RPL3L: variants seen among roughly 807,000 people sequenced by gnomAD.
RPL3L encodes the protein ribosomal protein uL3-like.
In RPL3L, 44 loss-of-function variants were observed where a neutral mutation model predicts 44.5. That is an observed-to-expected ratio of 0.99 (90% CI 0.78 to 1.27). The LOEUF (loss-of-function observed/expected upper bound fraction) is 1.27, where lower values mean the gene tolerates loss of function less well. Ranked by LOEUF, RPL3L falls within the 50% of genes most tolerant of loss-of-function variation. The probability of loss-of-function intolerance (pLI) is 0.00; values close to 1 mark genes in which losing one functional copy is unlikely to be tolerated. For missense variants in RPL3L, 631 were observed against 569.1 expected (o/e 1.11, Z -1.11); for synonymous variants, 292 against 230.7 (o/e 1.27, Z -2.41).
At chr16:1,946,005 A>G in intron 7 of RPL3L, 75 bp from the exon 8 acceptor site, 1 of 1,328,082 alleles carries the variant, frequency 7.5e-7, no homozygotes, top group Non-Finnish European at 1.0e-6. Context: ...GCCCTAGCAG[A>G]ACCCCCAGAG....
In RPL3L at chr16:1,954,083, G is replaced by A. The variant is rs768852529; in HGVS notation, c.69C>T (p.His23=). 6.2e-7 allele frequency: 1 copy of A among 1,604,246 alleles called. No homozygotes were observed. The highest frequency in any genetic ancestry group is 2.2e-5 in the East Asian group (1 of 44,476). The change falls in exon 2 of 10, where the codon CAC becomes CAT. Residue 23 remains histidine (H), a synonymous_variant. Coordinates refer to ENST00000268661, the MANE Select transcript of RPL3L (RefSeq NM_005061.3). ...ACGTCTTCACCTTGCCCCGGTGCCG[G>A]TGGCTCCTCTTATGGGGCAGGAAGC... The part of the protein sequence containing the change: ...HLGFLPHKRS[H]RHRGKVKTWP...
At position 1,949,555 on chromosome 16, in the gene RPL3L, ATTTTTTTT is replaced by A. The variant is rs563038812; in HGVS notation, c.501+1281_501+1288del. Among the ~76,000 whole-genome samples, 5 of 112,036 alleles carry A rather than the reference ATTTTTTTT, an allele frequency of 4.5e-5. No homozygotes were observed. The Admixed American group carries it at 4.7e-4, about 11-fold the overall frequency. 73.5% of individuals were successfully genotyped at this position (112,036 alleles called of 152,430 possible). ...GGCGTGATCCACCATGTCTGGCTTG[ATTTTTTTT>A]TTTTTTTTTTGGTAAGGTCTCTGGC... On this transcript the variant is annotated intron_variant, in intron 4 of 9. Transcript: ENST00000268661.
intron 3 of RPL3L, among the ~76,000 whole-genome samples, chr16:1,951,878 T>C (rs1320426201): frequency 6.6e-6 from 1 of 151,710 alleles, no homozygotes; most frequent in Non-Finnish European, 1.5e-5. Context: ...CAGCTGGCTA[T>C]TTCACTTTTC....
chr16:1,945,562 A>C lies in RPL3L; in HGVS notation c.1104T>G (p.Ile368Met), dbSNP rs771397612. The part of the protein sequence containing the change: ...QAVENIELKF[I>M]DTTSKFGHGR... ...CATGGCCGAACTTGGAGGTGGTGTCAATGAACTTGAGCTCAATATTCTCCA... is the reference window on the plus strand; with the variant it reads ...CATGGCCGAACTTGGAGGTGGTGTCCATGAACTTGAGCTCAATATTCTCCA... The change falls in exon 9 of 10, where the codon ATT becomes ATG. Residue 368 changes from isoleucine to methionine, a missense_variant. Transcript: ENST00000268661. 37 of 1,613,760 alleles carry C rather than the reference A, an allele frequency of 2.3e-5. No individual in the cohort carries two copies.
At chr16:1,946,327 G>A (rs1197366411) in intron 7 of RPL3L, among the ~76,000 whole-genome samples, 1 of 152,234 alleles carries the variant, frequency 6.6e-6, no homozygotes. Context: ...TCCAGAGGAG[G>A]CTCGGAGGAT....
At chr16:1,948,235 C>T (rs1249905424) in intron 4 of RPL3L, among the ~76,000 whole-genome samples, 1 of 150,208 alleles carries the variant, frequency 6.7e-6, no homozygotes, top group Admixed American at 6.7e-5. Flanking sequence ...CCACGCCCGG[C>T]CTTTTTTTAA....
intron 9 of RPL3L, 72 bp downstream of exon 9, chr16:1,945,427 C>G: frequency 6.5e-7 from 1 of 1,547,624 alleles, no homozygotes; most frequent in South Asian, 1.2e-5. Context: ...CCAGCTCCAG[C>G]TCCCTACTCG....
At chr16:1,949,975 G>A (rs190046044) in intron 4 of RPL3L, among the ~76,000 whole-genome samples, 8 of 131,004 alleles carry the variant, frequency 6.1e-5, no homozygotes, top group African/African-American at 1.6e-4. Flanking sequence ...AGGTATGGAC[G>A]GGGCAGGTAT....
chr16:1,950,189 C>T (rs1344662641), intron 4 of RPL3L, among the ~76,000 whole-genome samples: 2 of 132,050 alleles, frequency 1.5e-5, no homozygotes, highest in South Asian at 4.7e-4. Context: ...ATGTATGGGG[C>T]GGGTATGTAT....
Position 1,946,662 on chromosome 16 carries a change from G to A in RPL3L, c.914C>T (p.Thr305Ile), listed in dbSNP as rs774123802. Residue 305 changes from threonine (T) to isoleucine (I), a missense_variant, in exon 7 of 10, where the codon ACC becomes ATC. Physicochemically the swap from Thr to Ile is moderately conservative, Grantham distance 89 (BLOSUM62 -1). Coordinates refer to ENST00000268661, the MANE Select transcript of RPL3L (RefSeq NM_005061.3). ...DGKLVKNNAS[T>I]SYDVTAKSIT... ...GGACTTGGCAGTCACGTCGTAGCTG[G>A]TGGATGCATTGTTCTTCACCAGCTT... is the stretch of plus-strand genomic sequence containing the variant. 6.2e-7 allele frequency: 1 copy of A among 1,612,792 alleles called. No individual in the cohort carries two copies. Among genetic ancestry groups the A allele is most frequent in the African/African-American group, 1.3e-5 (1 of 74,956 alleles).
At position 1,947,256 on chromosome 16, in the gene RPL3L, C is replaced by G. The variant is rs376851295; in HGVS notation, c.626G>C (p.Ser209Thr). The G allele has an allele frequency of 1.4e-5, 22 of 1,613,492 alleles. No homozygotes were observed. In the African/African-American group the frequency reaches 2.8e-4, roughly 21 times the overall value. ...AATGACCTCACTCTGGCTGAACACG[C>G]TGTGCACGGGCACCTGCTTCTCCAG... ...ARLEKQVPVHSVFSQSEVIDV... is the reference protein window; with the variant it reads ...ARLEKQVPVHTVFSQSEVIDV... The change falls in exon 5 of 10, where the codon AGC (serine) becomes ACC (threonine). Residue 209 changes from serine (S) to threonine (T), a missense_variant. Coordinates refer to ENST00000268661, the MANE Select transcript of RPL3L (RefSeq NM_005061.3).
intron 3 of RPL3L, among the ~76,000 whole-genome samples, 190 bp from the exon 4 acceptor site, chr16:1,951,169 C>T (rs1287836577): frequency 1.3e-5 from 2 of 152,142 alleles, no homozygotes; most frequent in South Asian, 2.1e-4. Flanking sequence ...CTCTAGGCCC[C>T]GGTTTCCTCC....
In RPL3L at chr16:1,946,935, C is replaced by T. The variant is rs1387530495; in HGVS notation, c.849+3G>A. ...TGTCCCCGTACCCCGGCTGAGGACG[C>T]ACCTTCTTGTTGAGCTCCGTGCGGT... On this transcript the variant is annotated splice_donor_region_variant and intron_variant, in intron 6 of 9. Coordinates refer to ENST00000268661, the MANE Select transcript of RPL3L (RefSeq NM_005061.3). The T allele has an allele frequency of 5.0e-6, 8 of 1,596,802 alleles. No homozygotes were observed. In the South Asian group the frequency reaches 8.8e-5, roughly 18 times the overall value.
Position 1,954,645 on chromosome 16 carries a change from T to C in RPL3L, c.-14A>G. On this transcript the variant is annotated 5_prime_UTR_variant, in exon 1 of 10. Transcript: ENST00000268661. ...CCCACCAACCATGGTGGCCGATCCC[T>C]GAAGGTCAGGAAGGGGCCTCGCCGC... 1 of 1,534,076 alleles carries C rather than the reference T, an allele frequency of 6.5e-7. No homozygotes were observed. The highest frequency in any genetic ancestry group is 8.8e-7 in the Non-Finnish European group (1 of 1,138,758).
Position 1,947,296 on chromosome 16 carries a change from AGGCCACCTTCTC to A in RPL3L, c.574_585del (p.Glu192_Ala195del). On this transcript the variant is annotated inframe_deletion, in exon 5 of 10. Coordinates refer to ENST00000268661, the MANE Select transcript of RPL3L (RefSeq NM_005061.3). The stretch of plus-strand genomic sequence containing the variant: ...TGCTTCTCCAGCCGGGCCTGGGCCC[AGGCCACCTTCTC>A]GGCCACCGTGCCACCGTTCAGCTGG... 1.2e-6 allele frequency: 2 copies of A among 1,611,412 alleles called. No individual in the cohort carries two copies. Among genetic ancestry groups the A allele is most frequent in the East Asian group, 4.5e-5 (2 of 44,732 alleles).
At chr16:1,953,865 G>A (rs2083188514) in intron 2 of RPL3L, 91 bp downstream of exon 2, 2 of 1,294,308 alleles carry the variant, frequency 1.5e-6, no homozygotes, top group South Asian at 1.9e-5. Context: ...TGGGACTGTG[G>A]CCCTGTCTGG....
chr16:1,948,031 G>T lies in RPL3L; in HGVS notation c.502-651C>A, dbSNP rs2754182. On this transcript the variant is annotated intron_variant, in intron 4 of 9. Transcript: ENST00000268661. ...CGGCTCACTGCAAGCTCTGCCTCCC[G>T]GGTTCACGCCATTCCCCTGCCTCAG... Among the ~76,000 whole-genome samples, 129 of 144,622 alleles carry T rather than the reference G, an allele frequency of 8.9e-4. No homozygotes were observed. In the Middle Eastern group the frequency reaches 0.03, roughly 34 times the overall value. 94.9% of individuals were successfully genotyped at this position (144,622 alleles called of 152,430 possible). A position where few individuals can be genotyped will look rare whatever the true frequency, so the allele number is the denominator to read the frequency against.
In RPL3L at chr16:1,945,617, G is replaced by A. The variant is rs779586468; in HGVS notation, c.1049C>T (p.Ser350Phe). ...TKKRVITLRK[S>F]LLVHHSRQAV... The stretch of plus-strand genomic sequence containing the variant: ...TTGGCGACTGTGATGCACCAGGAGG[G>A]ACTGGGGAATCCATGGTAAAGTAAA... Residue 350 changes from serine (S) to phenylalanine (F), a missense_variant and splice_region_variant, in exon 9 of 10, where the codon TCC becomes TTC. Physicochemically the swap from Ser to Phe is radical, Grantham distance 155 (BLOSUM62 -2). Transcript: ENST00000268661. 4.3e-6 allele frequency: 7 copies of A among 1,613,736 alleles called. No homozygotes were observed. In the South Asian group the frequency reaches 4.4e-5, roughly 10 times the overall value.
chr16:1,953,031 G>C lies in RPL3L; in HGVS notation c.208C>G (p.Arg70Gly). 1 of 1,596,788 alleles carries C rather than the reference G, an allele frequency of 6.3e-7. No homozygotes were observed. The change falls in exon 3 of 10, where the codon CGG (arginine) becomes GGG (glycine). Residue 70 changes from arginine to glycine, a missense_variant. Physicochemically the swap from Arg to Gly is moderately radical, Grantham distance 125 (BLOSUM62 -2). Coordinates refer to ENST00000268661, the MANE Select transcript of RPL3L (RefSeq NM_005061.3). ...ATTGTCACCGCCTCCACCTCCTCCC[G>C]TTTGGAAATTTCTGGATGAGACACA... ...VHRPGLKISK[R>G]EEVEAVTIVE...
Sources: gnomAD v4.1 joint callset for allele counts (sites outside exome capture counted in the v4.1 genomes callset) on GRCh38, gnomAD v4.1.1 for gene constraint, MANE v1.5 for transcripts, NCBI Gene and HGNC (gene_info 2026-07-23, HGNC 2026-07-21) for gene names.